Variants in ANAPC1 observed in about 807,000 individuals in gnomAD.
ANAPC1 encodes anaphase-promoting complex subunit 1.
Under a neutral mutation model 208.0 loss-of-function variants are expected in ANAPC1, and 36 were observed. That is an observed-to-expected ratio of 0.17 (90% CI 0.13 to 0.23). The LOEUF is 0.23. Among genes scored for constraint, ANAPC1 ranks in the 10% least tolerant of loss-of-function variants. The pLI is 1.00. For synonymous variants in ANAPC1, 378 were observed against 695.2 expected, an observed-to-expected ratio of 0.54 and a Z score of 7.18; for missense variants, 942 against 2,011.6, an observed-to-expected ratio of 0.47 and a Z score of 10.17.
intron 15 of ANAPC1, 93 bp downstream of exon 15, chr2:111,847,632 T>C (rs1681165131): frequency 2.3e-6 from 3 of 1,322,938 alleles, no homozygotes; most frequent in African/African-American, 3.0e-5. Flanking sequence ...TCATGAGAAA[T>C]GTTTGTTGTC....
chr2:111,820,296 C>A (rs1397606434), intron 26 of ANAPC1, among the ~76,000 whole-genome samples: 1 of 152,202 alleles, frequency 6.6e-6, no homozygotes, highest in Non-Finnish European at 1.5e-5. Context: ...ACAGCACCAT[C>A]CCATGAAGTA....
intron 13 of ANAPC1, among the ~76,000 whole-genome samples, chr2:111,853,232 A>G (rs1681509070): frequency 6.6e-6 from 1 of 152,072 alleles, no homozygotes; most frequent in Non-Finnish European, 1.5e-5. Context: ...ATGTCATTAT[A>G]TTTGAAGAAC....
intron 20 of ANAPC1, among the ~76,000 whole-genome samples, chr2:111,832,036 T>C (rs1680169279): frequency 6.8e-6 from 1 of 146,692 alleles, no homozygotes; most frequent in South Asian, 2.3e-4. Flanking sequence ...CTAACACCTG[T>C]AATCCCAGCC....
At chr2:111,855,887 A>G (rs1047382849) in intron 13 of ANAPC1, among the ~76,000 whole-genome samples, 4 of 152,204 alleles carry the variant, frequency 2.6e-5, no homozygotes, top group Non-Finnish European at 5.9e-5. Flanking sequence ...TTTAAATTTC[A>G]TAATTTAAAT....
chr2:111,880,015 T>C (rs890546796), intron 2 of ANAPC1, among the ~76,000 whole-genome samples: 6 of 152,118 alleles, frequency 3.9e-5, no homozygotes, highest in Admixed American at 1.3e-4. Flanking sequence ...TCCCCACATA[T>C]TAAGTGAAAA....
At chr2:111,821,596 G>A (rs965534456) in intron 25 of ANAPC1, 143 bp from the exon 26 acceptor site, 43 of 676,908 alleles carry the variant, frequency 6.4e-5, no homozygotes, top group East Asian at 4.6e-4. Context: ...GGTTGGAGCC[G>A]CAATGTATAC....
At chr2:111,857,718 T>C (rs1681810916) in intron 11 of ANAPC1, among the ~76,000 whole-genome samples, 2 of 152,206 alleles carry the variant, frequency 1.3e-5, no homozygotes, top group African/African-American at 4.8e-5. Context: ...ATCACATATG[T>C]CCACATTTTT....
At position 111,792,456 on chromosome 2, in the gene ANAPC1, G is replaced by A; in HGVS notation, c.4618C>T (p.Arg1540Cys). Reference protein sequence around the residue: ...SGNLKVLQLCRFLHMKTGGEM... With the variant: ...SGNLKVLQLCCFLHMKTGGEM... Reference sequence around the variant, plus strand: ...CCACCCGTTTTCATGTGTAAGAAGCGACAAAGCTGCAAAACCTTTAGGTTT... The same window carrying A: ...CCACCCGTTTTCATGTGTAAGAAGCAACAAAGCTGCAAAACCTTTAGGTTT... Residue 1540 changes from arginine (R) to cysteine (C), a missense_variant, in exon 38 of 48, where the codon CGC (arginine) becomes TGC (cysteine). Transcript: ENST00000341068. The A allele has an allele frequency of 1.2e-6, 2 of 1,613,344 alleles. No homozygotes were observed. The highest frequency in any genetic ancestry group is 2.2e-5 in the East Asian group (1 of 44,868).
intron 21 of ANAPC1, among the ~76,000 whole-genome samples, chr2:111,828,780 C>G (rs553685812): frequency 3.3e-5 from 5 of 152,204 alleles, no homozygotes; most frequent in African/African-American, 1.2e-4. Context: ...TTACCAGGGC[C>G]TGGGAGGAAG....
intron 17 of ANAPC1, among the ~76,000 whole-genome samples, chr2:111,840,772 G>A (rs1275652342): frequency 2.0e-5 from 3 of 152,220 alleles, no homozygotes; most frequent in Admixed American, 6.5e-5. Context: ...GCCAGGAGCC[G>A]TGGTTCACAC....
intron 34 of ANAPC1, among the ~76,000 whole-genome samples, chr2:111,799,015 C>A (rs1195048089): frequency 4.7e-5 from 7 of 147,388 alleles, no homozygotes; most frequent in Non-Finnish European, 8.9e-5. Flanking sequence ...GCCTGGGCGA[C>A]AGAGCAAGAC....
intron 34 of ANAPC1, among the ~76,000 whole-genome samples, chr2:111,798,381 CA>C (rs1678265438): frequency 2.0e-5 from 3 of 152,314 alleles, no homozygotes; most frequent in Admixed American, 1.3e-4. Flanking sequence ...TGGGTACATA[CA>C]AGGCAGAGGG....
At chr2:111,835,189 T>A (rs894289430) in intron 18 of ANAPC1, among the ~76,000 whole-genome samples, 9 of 152,270 alleles carry the variant, frequency 5.9e-5, no homozygotes, top group African/African-American at 1.9e-4. Context: ...TCAGGCTAGG[T>A]TTTATAGGAA....
chr2:111,766,334 C>T (rs1444966455), downstream of ANAPC1: 8 of 152,496 alleles, frequency 5.2e-5, no homozygotes, highest in Admixed American at 2.6e-4. Context: ...GGGGGGAACC[C>T]GGGCAGCCCT....
At chr2:111,770,878 A>ATC (rs1676699167) in intron 47 of ANAPC1, among the ~76,000 whole-genome samples, 1 of 151,672 alleles carries the variant, frequency 6.6e-6, no homozygotes, top group African/African-American at 2.4e-5. Flanking sequence ...CAATATCTGA[A>ATC]TCACACATAA....
intron 24 of ANAPC1, among the ~76,000 whole-genome samples, chr2:111,823,543 T>C (rs1461491009): frequency 3.3e-5 from 5 of 152,082 alleles, no homozygotes; most frequent in African/African-American, 7.2e-5. Context: ...CGATTGTCTA[T>C]CATCAATAGA....
chr2:111,852,916 A>T (rs1558722276), intron 13 of ANAPC1, among the ~76,000 whole-genome samples: 4 of 152,008 alleles, frequency 2.6e-5, no homozygotes, highest in African/African-American at 4.8e-5. Flanking sequence ...TTGAGTCAGG[A>T]GGTCATGGGT....
chr2:111,829,250 A>T (rs1680000333), intron 21 of ANAPC1, among the ~76,000 whole-genome samples: 1 of 152,200 alleles, frequency 6.6e-6, no homozygotes, highest in Admixed American at 6.5e-5. Context: ...GACAAATATT[A>T]TGTTATATAT....
intron 8 of ANAPC1, among the ~76,000 whole-genome samples, chr2:111,864,188 T>C (rs888792315): frequency 2.0e-5 from 3 of 151,364 alleles, no homozygotes; most frequent in Non-Finnish European, 4.4e-5. Flanking sequence ...TAGCTGGGAG[T>C]GGTGGTACAC....
Sources: allele counts gnomAD v4.1 joint callset (sites outside exome capture counted in the v4.1 genomes callset), GRCh38; gene constraint gnomAD v4.1.1; transcripts MANE v1.5; gene names NCBI Gene and HGNC (gene_info 2026-07-23, HGNC 2026-07-21).